CYP4Z1: variants seen among roughly 807,000 people sequenced by gnomAD.
CYP4Z1 encodes the protein cytochrome P450 4Z1.
In CYP4Z1, 41 loss-of-function variants were observed where a neutral mutation model predicts 54.2. That is an observed-to-expected ratio of 0.76 (90% CI 0.59 to 0.98). The LOEUF is 0.98. Among genes scored for constraint, CYP4Z1 ranks in the 50% least tolerant of loss-of-function variants. The pLI, the probability that CYP4Z1 is intolerant of heterozygous loss-of-function variation, is 0.00. For missense variants in CYP4Z1, 513 were observed against 599.0 expected (o/e 0.86, Z 1.50); for synonymous variants, 163 against 206.2 (o/e 0.79, Z 1.79).
In CYP4Z1 at chr1:47,099,152, T is replaced by G; in HGVS notation, c.935T>G (p.Met312Arg). The change falls in exon 8 of 12, where the codon ATG becomes AGG. Residue 312 changes from methionine to arginine, a missense_variant. Transcript: ENST00000334194. ...CTCCAGGCTGAAGTGAAAACGTTCA[T>G]GTTTGCAGGACATGACACCACATCC... is the stretch of plus-strand genomic sequence containing the variant. ...ADLQAEVKTF[M>R]FAGHDTTSSA... 2 of 1,614,064 alleles carry G rather than the reference T, an allele frequency of 1.2e-6. No homozygotes were observed. Among genetic ancestry groups the G allele is most frequent in the South Asian group, 1.1e-5 (1 of 91,080 alleles).
intron 2 of CYP4Z1, among the ~76,000 whole-genome samples, chr1:47,068,971 ATC>A (rs1322841747): frequency 6.6e-6 from 1 of 152,166 alleles, no homozygotes; most frequent in Non-Finnish European, 1.5e-5. Flanking sequence ...TTTTCAAGCA[ATC>A]TTCTCTCCCT....
chr1:47,096,920 G>A (rs1644682210), intron 7 of CYP4Z1: 1 of 152,250 alleles, frequency 6.6e-6, no homozygotes, highest in African/African-American at 2.4e-5. Flanking sequence ...GTGAGCCACT[G>A]TGCCTGGCCT....
intron 2 of CYP4Z1, among the ~76,000 whole-genome samples, chr1:47,069,113 C>T (rs933558518): frequency 1.1e-4 from 16 of 152,260 alleles, no homozygotes; most frequent in Middle Eastern, 3.2e-3. Context: ...ATTGGCTTAA[C>T]GCCAGTGCTG....
At chr1:47,111,785 TA>T (rs1282098272) in intron 9 of CYP4Z1, among the ~76,000 whole-genome samples, 2 of 152,184 alleles carry the variant, frequency 1.3e-5, no homozygotes, top group African/African-American at 4.8e-5. Context: ...TAGTGTTCTT[TA>T]AATGAAGACA....
rs565835770 is a variant in CYP4Z1, at chr1:47,098,625, T to C, written c.877-469T>C. On this transcript the variant is annotated intron_variant, in intron 7 of 11. Transcript: ENST00000334194. ...TTCTAATACTGCTCTTTTCACCTAA[T>C]AATAAATCATGAGCTTTCCCTTTAT... Among the ~76,000 whole-genome samples, 6 of 152,354 alleles carry C rather than the reference T, an allele frequency of 3.9e-5. No homozygotes were observed. In the East Asian group the frequency reaches 9.6e-4, roughly 24 times the overall value.
At chr1:47,066,204 C>T (rs748580103), upstream of CYP4Z1, among the ~76,000 whole-genome samples, 1 of 152,102 alleles carries the variant, frequency 6.6e-6, no homozygotes, top group Non-Finnish European at 1.5e-5. Flanking sequence ...CATCCTAATA[C>T]CGAAACCAGG....
chr1:47,103,039 A>G (rs1036504994), intron 8 of CYP4Z1, among the ~76,000 whole-genome samples: 11 of 152,014 alleles, frequency 7.2e-5, no homozygotes, highest in Admixed American at 2.0e-4. Flanking sequence ...TTTTAAAAAA[A>G]TTGTATAACT....
chr1:47,061,800 C>T, the CYP4Z1 span, among the ~76,000 whole-genome samples: 1 of 152,130 alleles, frequency 6.6e-6, no homozygotes, highest in East Asian at 1.9e-4. Context: ...ACTTGCAAAC[C>T]AATTTCAGCA....
chr1:47,111,706 T>G (rs1169738450), intron 9 of CYP4Z1, among the ~76,000 whole-genome samples: 1 of 152,206 alleles, frequency 6.6e-6, no homozygotes, highest in Middle Eastern at 3.2e-3. Flanking sequence ...CCAGCAACAT[T>G]GCTTAAAGTT....
At chr1:47,101,661 C>T (rs1237389523) in intron 8 of CYP4Z1, among the ~76,000 whole-genome samples, 2 of 151,922 alleles carry the variant, frequency 1.3e-5, no homozygotes, top group African/African-American at 4.8e-5. Flanking sequence ...CTTTTGTGTC[C>T]TAACATACAG....
intron 3 of CYP4Z1, 38 bp from the exon 4 acceptor site, chr1:47,082,296 G>A: frequency 1.9e-6 from 3 of 1,567,674 alleles, no homozygotes; most frequent in Non-Finnish European, 2.6e-6. Context: ...CACTTACCTG[G>A]CCTCTGATAG....
intron 9 of CYP4Z1, among the ~76,000 whole-genome samples, chr1:47,106,977 T>C (rs565428489): frequency 3.0e-4 from 45 of 152,332 alleles, no homozygotes; most frequent in African/African-American, 1.1e-3. Context: ...AATTTAACCG[T>C]CTTTCAAATA....
rs1330192817 is a variant in CYP4Z1 at position 47,082,452 on chromosome 1, G to A, written c.483G>A (p.Arg161=). The A allele has an allele frequency of 6.2e-7, 1 of 1,611,590 alleles. No individual in the cohort carries two copies. Among genetic ancestry groups the A allele is most frequent in the African/African-American group, 1.3e-5 (1 of 74,856 alleles). The change falls in exon 4 of 12, where the codon CGG becomes CGA. Residue 161 remains arginine, a synonymous_variant. Transcript: ENST00000334194. ...IFITMMSESV[R]MMLNKWEEHI... ...TCACCATGATGTCTGAGAGTGTTCGGATGATGCTGGTAAGAGGAGAAGAGA... is the reference window on the plus strand; with the variant it reads ...TCACCATGATGTCTGAGAGTGTTCGAATGATGCTGGTAAGAGGAGAAGAGA...
intron 4 of CYP4Z1, among the ~76,000 whole-genome samples, chr1:47,083,048 C>T (rs1283586581): frequency 6.6e-6 from 1 of 152,146 alleles, no homozygotes; most frequent in South Asian, 2.1e-4. Context: ...CAAAGACATG[C>T]GAGGTGGTTT....
upstream of CYP4Z1, among the ~76,000 whole-genome samples, chr1:47,066,755 A>C (rs1288483186): frequency 1.3e-5 from 2 of 152,164 alleles, no homozygotes; most frequent in Non-Finnish European, 2.9e-5. Flanking sequence ...TCGTATACCT[A>C]GAAAAGCCTA....
chr1:47,085,519 TG>T, intron 6 of CYP4Z1, among the ~76,000 whole-genome samples: 1 of 152,310 alleles, frequency 6.6e-6, no homozygotes, highest in South Asian at 2.1e-4. Flanking sequence ...TTGATAAAAT[TG>T]GCCTCTTTTT....
At chr1:47,092,409 AT>A in intron 6 of CYP4Z1, among the ~76,000 whole-genome samples, 1 of 151,636 alleles carries the variant, frequency 6.6e-6, no homozygotes, top group East Asian at 1.9e-4. Context: ...TTTCCTTCTA[AT>A]ATTGGGGTTC....
the CYP4Z1 span, among the ~76,000 whole-genome samples, chr1:47,059,412 C>A: frequency 6.6e-6 from 1 of 152,152 alleles, no homozygotes; most frequent in African/African-American, 2.4e-5. Context: ...CACAAAGTTA[C>A]TTTCTTTGTA....
At chr1:47,114,413 A>C (rs1644814918) in intron 9 of CYP4Z1, among the ~76,000 whole-genome samples, 3 of 152,196 alleles carry the variant, frequency 2.0e-5, no homozygotes, top group African/African-American at 7.2e-5. Context: ...AAACACCAAA[A>C]GCAATGGCAA....
Sources: allele counts gnomAD v4.1 joint callset (sites outside exome capture counted in the v4.1 genomes callset), GRCh38; gene constraint gnomAD v4.1.1; transcripts MANE v1.5; gene names NCBI Gene and HGNC (gene_info 2026-07-23, HGNC 2026-07-21).